The following SPG11 variants were observed in gnomAD, a reference collection of about 807,000 sequenced individuals.
SPG11 encodes spatacsin.
SPG11 carries 222 observed loss-of-function variants against 274.0 expected under a neutral mutation model. That is an observed-to-expected ratio of 0.81 (90% CI 0.73 to 0.91). SPG11 has a LOEUF of 0.91. SPG11 is among the 40% of genes least tolerant of loss of function. The pLI is 0.00. For missense variants in SPG11, 3,114 were observed against 2,872.7 expected, an observed-to-expected ratio of 1.08 and a Z score of -1.92; for synonymous variants, 1,144 against 1,039.7, an observed-to-expected ratio of 1.10 and a Z score of -1.93.
Position 44,663,438 on chromosome 15 carries a change from A to C in SPG11, c.210T>G (p.Pro70=). The change falls in exon 1 of 40, where the codon CCT becomes CCG. Residue 70 remains proline (P), a synonymous_variant. Transcript: ENST00000261866. ...AGCAGCGACCCCCGCCCCGGCTGCC[A>C]GGCGTCAAAGAAAGCACTTGGAGGC... is the stretch of plus-strand genomic sequence containing the variant. ...AGSLQVLSLT[P]GSRGGGRCCL... is the part of the protein sequence containing the mutation. 1 of 1,603,540 alleles carries C rather than the reference A, an allele frequency of 6.2e-7. No homozygotes were observed. Among genetic ancestry groups the C allele is most frequent in the Non-Finnish European group, 8.5e-7 (1 of 1,175,744 alleles).
At chr15:44,657,454 T>C (rs1355809846) in intron 3 of SPG11, among the ~76,000 whole-genome samples, 158 bp from the exon 4 acceptor site, 1 of 152,180 alleles carries the variant, frequency 6.6e-6, no homozygotes, top group Non-Finnish European at 1.5e-5. Context: ...AACAACCAGA[T>C]GACTATGAAG....
At chr15:44,616,313 C>T (rs1346558586) in intron 15 of SPG11, among the ~76,000 whole-genome samples, 1 of 151,692 alleles carries the variant, frequency 6.6e-6, no homozygotes, top group Non-Finnish European at 1.5e-5. Flanking sequence ...TCAAGTGATC[C>T]TCCTACCTCA....
At chr15:44,590,923 T>C (rs922089234) in intron 27 of SPG11, 1 of 152,208 alleles carries the variant, frequency 6.6e-6, no homozygotes, top group African/African-American at 2.4e-5. Context: ...GGCTGTGACG[T>C]AGGTTTTAGA....
intron 20 of SPG11, among the ~76,000 whole-genome samples, chr15:44,601,160 CAAAA>C (rs905946447): frequency 6.6e-6 from 1 of 150,960 alleles, no homozygotes; most frequent in Non-Finnish European, 1.5e-5. Context: ...TTCAAAAAAA[CAAAA>C]AAAAGTGTGA....
At position 44,651,824 on chromosome 15, in the gene SPG11, C is replaced by T. The variant is rs766446198; in HGVS notation, c.1123G>A (p.Gly375Ser). The T allele has an allele frequency of 6.2e-7, 1 of 1,614,098 alleles. No individual in the cohort carries two copies. The highest frequency in any genetic ancestry group is 8.5e-7 in the Non-Finnish European group (1 of 1,180,016). The change falls in exon 6 of 40, where the codon GGT becomes AGT. Residue 375 changes from glycine (G) to serine (S), a missense_variant. Transcript: ENST00000261866. ...DILHLESPES[G>S]NHSTSVQSWA... ...CTCTGCACACTTGTACTGTGGTTACCAGATTCAGGTGACTCCAAATGCAAA... is the reference window on the plus strand; with the variant it reads ...CTCTGCACACTTGTACTGTGGTTACTAGATTCAGGTGACTCCAAATGCAAA...
intron 8 of SPG11, among the ~76,000 whole-genome samples, chr15:44,632,817 A>G (rs746211174): frequency 2.6e-4 from 40 of 152,156 alleles, no homozygotes; most frequent in Non-Finnish European, 4.4e-4. Context: ...AAAAATTCTT[A>G]TAACAAATCC....
At chr15:44,572,608 A>C in intron 33 of SPG11, 75 bp downstream of exon 33, 1 of 1,510,536 alleles carries the variant, frequency 6.6e-7, no homozygotes, top group South Asian at 1.1e-5. Flanking sequence ...ACCCAAATCA[A>C]GTTTTGGAGA....
At chr15:44,587,678 A>G (rs1464458310) in intron 28 of SPG11, among the ~76,000 whole-genome samples, 1 of 138,458 alleles carries the variant, frequency 7.2e-6, no homozygotes, top group Admixed American at 7.4e-5. Flanking sequence ...CTTGGGCAAC[A>G]GAGCCAGACT....
At chr15:44,637,832 C>G (rs1367611480) in intron 7 of SPG11, among the ~76,000 whole-genome samples, 1 of 152,134 alleles carries the variant, frequency 6.6e-6, no homozygotes, top group Non-Finnish European at 1.5e-5. Context: ...GGCTATAAAA[C>G]AGCCCCAGGT....
In SPG11 at chr15:44,626,587, T is replaced by C. The variant is rs1045239957; in HGVS notation, c.2068-80A>G. 16 of 1,404,252 alleles carry C rather than the reference T, an allele frequency of 1.1e-5. No individual in the cohort carries two copies. The African/African-American group carries it at 2.3e-4, about 20-fold the overall frequency. The allele number at this position is 1,404,252 out of a possible 1,614,324, so 87.0% of individuals were successfully genotyped here. On this transcript the variant is annotated intron_variant, in intron 10 of 39. Transcript: ENST00000261866. ...TTATCAACATGGGATTATACATTTA[T>C]GTAACATCTAACAAAGGAACTTTTA... is the stretch of plus-strand genomic sequence containing the variant.
intron 6 of SPG11, among the ~76,000 whole-genome samples, chr15:44,650,235 C>T (rs1256007852): frequency 6.6e-6 from 1 of 152,072 alleles, no homozygotes; most frequent in East Asian, 1.9e-4. Flanking sequence ...TAAAATGGCT[C>T]AGGCTAAGCA....
Position 44,648,922 on chromosome 15 carries a change from T to A in SPG11, c.1546A>T (p.Thr516Ser). 2 of 1,614,048 alleles carry A rather than the reference T, an allele frequency of 1.2e-6. No homozygotes were observed. The highest frequency in any genetic ancestry group is 8.5e-7 in the Non-Finnish European group (1 of 1,179,976). The change falls in exon 7 of 40, where the codon ACT becomes TCT. Residue 516 changes from threonine (T) to serine (S), a missense_variant. Thr to Ser is a moderately conservative substitution (Grantham distance 58, BLOSUM62 1). Coordinates refer to ENST00000261866, the MANE Select transcript of SPG11 (RefSeq NM_025137.4). ...MIHGSASTVD[T>S]LCHLNGWGRC... ...CCCCAGCCATTGAGATGACAAAGAGTGTCCACAGTGCTGGCACTTCCATGG... is the reference window on the plus strand; with the variant it reads ...CCCCAGCCATTGAGATGACAAAGAGAGTCCACAGTGCTGGCACTTCCATGG...
chr15:44,612,681 C>T (rs2083491537), intron 17 of SPG11, among the ~76,000 whole-genome samples: 1 of 152,170 alleles, frequency 6.6e-6, no homozygotes, highest in Non-Finnish European at 1.5e-5. Context: ...CAGGTGTGAG[C>T]CACCACACCT....
At chr15:44,577,175 C>T (rs2082556880) in intron 30 of SPG11, among the ~76,000 whole-genome samples, 1 of 152,026 alleles carries the variant, frequency 6.6e-6, no homozygotes, top group East Asian at 1.9e-4. Flanking sequence ...TGATTTGCTA[C>T]ACTAAGCACA....
At position 44,598,699 on chromosome 15, in the gene SPG11, G is replaced by C; in HGVS notation, c.3824C>G (p.Ala1275Gly). 6.2e-7 allele frequency: 1 copy of C among 1,614,104 alleles called. No homozygotes were observed. ...GCACTTGTAGCTCAAAATTATATTG[G>C]CCACTTTCATATCAACTCTGAGCTT... ...SLKLRVDMKV[A>G]NIILSYKCRN... Residue 1275 changes from alanine (A) to glycine (G), a missense_variant, in exon 22 of 40, where the codon GCC becomes GGC. Ala to Gly is a moderately conservative substitution (Grantham distance 60, BLOSUM62 0). Coordinates refer to ENST00000261866, the MANE Select transcript of SPG11 (RefSeq NM_025137.4).
At chr15:44,656,259 T>C (rs1012709342) in intron 4 of SPG11, among the ~76,000 whole-genome samples, 1 of 152,208 alleles carries the variant, frequency 6.6e-6, no homozygotes, top group African/African-American at 2.4e-5. Flanking sequence ...AGTGTGAACC[T>C]AGAGTGGTAT....
At position 44,663,630 on chromosome 15, in the gene SPG11, C is replaced by A. The variant is rs767760441; in HGVS notation, c.18G>T (p.Gly6=). ...CGCCGGCGGAAGCAGCACTCGCGAC[C>A]CCTTCCTCTGCAGCCATCTTGGCCC... MAAEE[G]VASAASAGGS... The change falls in exon 1 of 40, where the codon GGG becomes GGT. Residue 6 remains glycine (G), a synonymous_variant. Transcript: ENST00000261866. 6 of 1,595,610 alleles carry A rather than the reference C, an allele frequency of 3.8e-6. No individual in the cohort carries two copies. Among genetic ancestry groups the A allele is most frequent in the South Asian group, 1.1e-5 (1 of 89,754 alleles).
In SPG11 at chr15:44,598,142, A is replaced by G; in HGVS notation, c.4001+123T>C. 4 of 707,432 alleles carry G rather than the reference A, an allele frequency of 5.7e-6. No homozygotes were observed. The Admixed American group carries it at 8.5e-5, about 15-fold the overall frequency. 43.8% of individuals were successfully genotyped at this position (707,432 alleles called of 1,614,324 possible). ...TGAGTATCTGCTACATGCTAGATAAAGAAGAAGATAAGGTCTAGGGGGATT... is the reference window on the plus strand; with the variant it reads ...TGAGTATCTGCTACATGCTAGATAAGGAAGAAGATAAGGTCTAGGGGGATT... On this transcript the variant is annotated intron_variant, in intron 23 of 39. Coordinates refer to ENST00000261866, the MANE Select transcript of SPG11 (RefSeq NM_025137.4).
chr15:44,654,828 C>A (rs987018450), intron 4 of SPG11, among the ~76,000 whole-genome samples: 3 of 151,288 alleles, frequency 2.0e-5, no homozygotes, highest in Non-Finnish European at 4.4e-5. Flanking sequence ...AAGAGCGAAA[C>A]TCCATCTCAA....
Sources: gnomAD v4.1 joint callset for allele counts (sites outside exome capture counted in the v4.1 genomes callset) on GRCh38, gnomAD v4.1.1 for gene constraint, MANE v1.5 for transcripts, NCBI Gene and HGNC (gene_info 2026-07-23, HGNC 2026-07-21) for gene names.